The following GRIK4 variants were observed in gnomAD, a reference collection of about 807,000 sequenced individuals.
The protein encoded by GRIK4 is glutamate receptor ionotropic, kainate 4.
In GRIK4, 40 loss-of-function variants were observed where a neutral mutation model predicts 104.9. That is an observed-to-expected ratio of 0.38 (90% CI 0.30 to 0.50). The LOEUF is 0.50. GRIK4 is among the 20% of genes least tolerant of loss of function. The pLI is 0.93. For missense variants in GRIK4, 1,047 were observed against 1,308.1 expected (o/e 0.80, Z 3.08); for synonymous variants, 485 against 524.9 (o/e 0.92, Z 1.04).
At chr11:120,954,195 A>G (rs1944079238) in intron 15 of GRIK4, among the ~76,000 whole-genome samples, 1 of 152,248 alleles carries the variant, frequency 6.6e-6, no homozygotes, top group East Asian at 1.9e-4. Context: ...ACCTGTCTGC[A>G]CATACCTCTT....
At chr11:120,568,829 G>A (rs1273252076) in intron 1 of GRIK4, among the ~76,000 whole-genome samples, 1 of 152,114 alleles carries the variant, frequency 6.6e-6, no homozygotes, top group African/African-American at 2.4e-5. Context: ...CCTTTTCCCA[G>A]CATGGAGAGG....
At chr11:120,787,465 T>A (rs964431229) in intron 3 of GRIK4, among the ~76,000 whole-genome samples, 5 of 151,688 alleles carry the variant, frequency 3.3e-5, no homozygotes, top group Non-Finnish European at 7.4e-5. Flanking sequence ...TATTTTATTT[T>A]ATTTTATTTT....
chr11:120,617,465 A>G (rs560323780), intron 1 of GRIK4, among the ~76,000 whole-genome samples: 9 of 152,244 alleles, frequency 5.9e-5, no homozygotes, highest in Middle Eastern at 3.4e-3. Context: ...CTGCAGCCTC[A>G]GCCTCGCAGG....
rs545245145 is a variant in GRIK4, at chr11:120,944,328, A to C, written c.1590+3868A>C. Among the ~76,000 whole-genome samples the C allele has an allele frequency of 1.4e-4, 21 of 152,126 alleles. No homozygotes were observed. The South Asian group carries it at 4.4e-3, about 32-fold the overall frequency. ...ATCTCACTCCCTCCCAAATCTGTGA[A>C]TCTAACCCTGGCTGCTCCCCTGAGT... On this transcript the variant is annotated intron_variant, in intron 14 of 20. Transcript: ENST00000527524.
chr11:120,775,177 C>G (rs759820830), intron 3 of GRIK4, among the ~76,000 whole-genome samples: 1 of 152,198 alleles, frequency 6.6e-6, no homozygotes, highest in African/African-American at 2.4e-5. Context: ...CCCTGGGCCT[C>G]TGTATTTCTT....
At chr11:120,845,744 G>A (rs547517336) in intron 8 of GRIK4, among the ~76,000 whole-genome samples, 2 of 152,130 alleles carry the variant, frequency 1.3e-5, no homozygotes, top group Non-Finnish European at 2.9e-5. Flanking sequence ...ATTCCAAAGT[G>A]TAGTTTATTG....
At chr11:120,857,182 C>G (rs930251288) in intron 8 of GRIK4, among the ~76,000 whole-genome samples, 4 of 152,186 alleles carry the variant, frequency 2.6e-5, no homozygotes, top group Middle Eastern at 3.2e-3. Flanking sequence ...GGGCCATGCC[C>G]AACTCAGCCC....
At chr11:120,861,877 C>A in intron 8 of GRIK4, 82 bp from the exon 9 acceptor site, 2 of 1,040,994 alleles carry the variant, frequency 1.9e-6, no homozygotes, top group Non-Finnish European at 3.0e-6. Flanking sequence ...GAATGTGGTA[C>A]CCAGATATGC....
At chr11:120,512,473 C>G (rs1209454980) in intron 1 of GRIK4, among the ~76,000 whole-genome samples, 1 of 151,942 alleles carries the variant, frequency 6.6e-6, no homozygotes, top group Non-Finnish European at 1.5e-5. Flanking sequence ...CGGGCCACCA[C>G]CACACCCCCC....
At chr11:120,739,838 T>A (rs1222028340) in intron 3 of GRIK4, among the ~76,000 whole-genome samples, 3 of 152,182 alleles carry the variant, frequency 2.0e-5, no homozygotes. Flanking sequence ...CACACATCTG[T>A]CTAATATCCA....
At chr11:120,515,311 G>A (rs1420843899) in intron 1 of GRIK4, among the ~76,000 whole-genome samples, 1 of 152,168 alleles carries the variant, frequency 6.6e-6, no homozygotes, top group South Asian at 2.1e-4. Flanking sequence ...CATGACCTCG[G>A]ACAAGTTGCC....
intron 11 of GRIK4, among the ~76,000 whole-genome samples, chr11:120,882,950 G>C (rs1195231769): frequency 6.6e-6 from 1 of 152,092 alleles, no homozygotes; most frequent in African/African-American, 2.4e-5. Flanking sequence ...TTCTCACCTG[G>C]CTACTCCTAC....
chr11:120,695,636 T>C (rs1393694309), intron 3 of GRIK4, among the ~76,000 whole-genome samples: 1 of 145,672 alleles, frequency 6.9e-6, no homozygotes, highest in African/African-American at 2.5e-5. Flanking sequence ...CCGCCACGGG[T>C]GGGAGGCAGG....
intron 8 of GRIK4, among the ~76,000 whole-genome samples, chr11:120,840,266 A>G (rs1591978780): frequency 6.6e-6 from 1 of 152,318 alleles, no homozygotes; most frequent in South Asian, 2.1e-4. Context: ...AAGTATGGAG[A>G]TGAAGGCACA....
intron 12 of GRIK4, among the ~76,000 whole-genome samples, chr11:120,900,599 G>C (rs1305068876): frequency 6.6e-6 from 1 of 152,194 alleles, no homozygotes; most frequent in Non-Finnish European, 1.5e-5. Flanking sequence ...GCTGGAGCCG[G>C]GAAGGGCCTG....
chr11:120,775,120 G>A (rs1039380074), intron 3 of GRIK4, among the ~76,000 whole-genome samples: 1 of 152,114 alleles, frequency 6.6e-6, no homozygotes, highest in South Asian at 2.1e-4. Flanking sequence ...GGTGTTTAAG[G>A]AGGGCCTTGT....
At chr11:120,738,351 G>A (rs1344039694) in intron 3 of GRIK4, among the ~76,000 whole-genome samples, 5 of 152,214 alleles carry the variant, frequency 3.3e-5, no homozygotes, top group Non-Finnish European at 7.3e-5. Flanking sequence ...GAATGGGAGT[G>A]AGATGGAGGC....
chr11:120,575,375 G>A (rs1192661826), intron 1 of GRIK4, among the ~76,000 whole-genome samples: 1 of 152,036 alleles, frequency 6.6e-6, no homozygotes, highest in African/African-American at 2.4e-5. Flanking sequence ...TTATTCAGTG[G>A]CTCTTCATGG....
At chr11:120,556,009 T>A (rs1389287385) in intron 1 of GRIK4, among the ~76,000 whole-genome samples, 1 of 152,160 alleles carries the variant, frequency 6.6e-6, no homozygotes, top group Non-Finnish European at 1.5e-5. Context: ...CTCATGGAAA[T>A]GCATTTTCAG....
Sources: gnomAD v4.1 joint callset for allele counts (sites outside exome capture counted in the v4.1 genomes callset) on GRCh38, gnomAD v4.1.1 for gene constraint, MANE v1.5 for transcripts, NCBI Gene and HGNC (gene_info 2026-07-23, HGNC 2026-07-21) for gene names.